JADE1: variants seen among roughly 807,000 people sequenced by gnomAD.
JADE1 encodes jade family PHD finger 1, also known as protein Jade-1.
In JADE1, 14 loss-of-function variants were observed where a neutral mutation model predicts 81.8. The ratio of observed to expected loss-of-function variants is 0.17; its 90% CI spans 0.11 to 0.27. The LOEUF is 0.27. Among genes scored for constraint, JADE1 ranks in the 10% least tolerant of loss-of-function variants. The pLI is 1.00. For synonymous variants in JADE1, 353 were observed against 391.9 expected (o/e 0.90, Z 1.17); for missense variants, 690 against 1,047.9 (o/e 0.66, Z 4.71).
intron 7 of JADE1, among the ~76,000 whole-genome samples, chr4:128,856,775 G>A (rs1301914213): frequency 2.6e-5 from 4 of 152,088 alleles, no homozygotes; most frequent in South Asian, 2.1e-4. Flanking sequence ...TTCATGATTC[G>A]GGTCTTGGTA....
At chr4:128,822,579 C>T (rs928803861) in intron 1 of JADE1, among the ~76,000 whole-genome samples, 17 of 150,764 alleles carry the variant, frequency 1.1e-4, no homozygotes, top group African/African-American at 3.2e-4. Context: ...ATTAGCCGGG[C>T]GTGGTGGCAC....
chr4:128,834,951 G>T (rs1728863252), intron 2 of JADE1, among the ~76,000 whole-genome samples: 1 of 151,580 alleles, frequency 6.6e-6, no homozygotes, highest in East Asian at 1.9e-4. Context: ...TTGGAGACCA[G>T]CCTGGGCAAC....
intron 2 of JADE1, among the ~76,000 whole-genome samples, chr4:128,837,776 C>T (rs149199669): frequency 1.3e-5 from 2 of 152,260 alleles, no homozygotes; most frequent in African/African-American, 4.8e-5. Flanking sequence ...GTTTAACACC[C>T]CTAAAGACAG....
chr4:128,849,182 A>G lies in JADE1; in HGVS notation c.484+15A>G. 6.3e-7 allele frequency: 1 copy of G among 1,584,086 alleles called. No individual in the cohort carries two copies. Among genetic ancestry groups the G allele is most frequent in the South Asian group, 1.1e-5 (1 of 88,352 alleles). ...TAAGGAGATGGGTGAGAGACCATGT[A>G]TTCTATTATTTTATTAACCAATGAT... On this transcript the variant is annotated intron_variant, in intron 5 of 10. Transcript: ENST00000226319.
chr4:128,869,867 A>G (rs1478709116), intron 10 of JADE1, among the ~76,000 whole-genome samples: 3 of 152,096 alleles, frequency 2.0e-5, no homozygotes, highest in African/African-American at 7.2e-5. Flanking sequence ...TTCCAGTCCT[A>G]GGCTTCAGTC....
intron 1 of JADE1, among the ~76,000 whole-genome samples, chr4:128,826,284 G>C (rs2125815302): frequency 6.6e-6 from 1 of 152,278 alleles, no homozygotes; most frequent in South Asian, 2.1e-4. Context: ...GTCTGAGTTG[G>C]ATTCAATCTC....
intron 1 of JADE1, among the ~76,000 whole-genome samples, chr4:128,813,660 A>G (rs1413831097): frequency 6.6e-6 from 1 of 151,738 alleles, no homozygotes; most frequent in East Asian, 1.9e-4. Context: ...TGACCTCGTG[A>G]TCCGCCCGCC....
intron 1 of JADE1, among the ~76,000 whole-genome samples, chr4:128,812,226 C>T (rs555718710): frequency 6.6e-6 from 1 of 152,074 alleles, no homozygotes; most frequent in Non-Finnish European, 1.5e-5. Flanking sequence ...CATCACTGCA[C>T]CGGGGCTAAT....
chr4:128,832,174 C>G (rs1474447998), intron 2 of JADE1, among the ~76,000 whole-genome samples: 2 of 152,182 alleles, frequency 1.3e-5, no homozygotes, highest in Admixed American at 6.5e-5. Flanking sequence ...TGGTTCAACT[C>G]AATACAAGGG....
intron 2 of JADE1, among the ~76,000 whole-genome samples, chr4:128,837,728 A>G (rs138285199): frequency 1.5e-3 from 227 of 152,280 alleles, no homozygotes; most frequent in Middle Eastern, 6.8e-3. Context: ...GCTGGACTCG[A>G]TACTTGCCAG....
At position 128,874,958 on chromosome 4, in the gene JADE1, G is replaced by A. The variant is rs1467172098; in HGVS notation, c.*2696G>A. On this transcript the variant is annotated 3_prime_UTR_variant, in exon 11 of 11. Coordinates refer to ENST00000226319, the MANE Select transcript of JADE1 (RefSeq NM_199320.4). ...CATTACATTTGTAACCTTGTACAGAGGATTTTTCACTATGTGCCTAGCTTG... is the reference window on the plus strand; with the variant it reads ...CATTACATTTGTAACCTTGTACAGAAGATTTTTCACTATGTGCCTAGCTTG... The A allele has an allele frequency of 2.0e-5, 3 of 151,502 alleles. No homozygotes were observed. Among genetic ancestry groups the A allele is most frequent in the Admixed American group, 2.0e-4 (3 of 15,158 alleles). 9.4% of individuals were successfully genotyped at this position (151,502 alleles called of 1,614,324 possible).
intron 8 of JADE1, among the ~76,000 whole-genome samples, chr4:128,859,798 G>T (rs1180108199): frequency 1.3e-5 from 2 of 152,082 alleles, no homozygotes; most frequent in Non-Finnish European, 2.9e-5. Context: ...CTTTTTTGTT[G>T]CCATTGACCT....
At chr4:128,862,913 T>TGTGTGCGC (rs1389608869) in intron 9 of JADE1, 2 of 983,334 alleles carry the variant, frequency 2.0e-6, no homozygotes, top group East Asian at 1.1e-4. Flanking sequence ...TGTGTGTGTG[T>TGTGTGCGC]GCGCGTGCCC....
At chr4:128,830,801 A>G (rs1438939171) in intron 1 of JADE1, among the ~76,000 whole-genome samples, 3 of 152,190 alleles carry the variant, frequency 2.0e-5, no homozygotes, top group Admixed American at 1.3e-4. Context: ...CCGCGAGACC[A>G]TCTGTATAAG....
chr4:128,839,046 C>T (rs1729212629), intron 2 of JADE1, among the ~76,000 whole-genome samples: 1 of 152,092 alleles, frequency 6.6e-6, no homozygotes, highest in African/African-American at 2.4e-5. Flanking sequence ...TGGGTTACAG[C>T]AATGGTTACA....
Position 128,871,779 on chromosome 4 carries a change from CA to C in JADE1, c.2048del (p.Lys683SerfsTer35). ...LKDKSFKQSH[K>X]PLRSTDVSQR... ...AGGACAAATCTTTTAAACAGAGTCA[CA>C]AGCCTCTCAGGTCCACAGATGTGTC... is the stretch of plus-strand genomic sequence containing the variant. On this transcript the variant is annotated frameshift_variant, in exon 11 of 11. Coordinates refer to ENST00000226319, the MANE Select transcript of JADE1 (RefSeq NM_199320.4). LOFTEE classifies it high-confidence loss of function. The surrounding 1 kb of genome is among the most constrained non-coding windows in gnomAD (Gnocchi z 4.1). 6.2e-7 allele frequency: 1 copy of C among 1,614,154 alleles called. No individual in the cohort carries two copies. The highest frequency in any genetic ancestry group is 8.5e-7 in the Non-Finnish European group (1 of 1,180,028).
intron 9 of JADE1, chr4:128,864,077 GT>G (rs761875340): frequency 4.1e-6 from 4 of 985,080 alleles, no homozygotes; most frequent in Non-Finnish European, 4.8e-6. Context: ...GGATTTGTGT[GT>G]GTATGTGTGT....
chr4:128,827,973 A>G, intron 1 of JADE1: 8 of 795,008 alleles, frequency 1.0e-5, no homozygotes, highest in Non-Finnish European at 1.2e-5. Context: ...GTTCTTCAGG[A>G]CTCAGCTCAG....
intron 9 of JADE1, among the ~76,000 whole-genome samples, chr4:128,865,632 A>G (rs1411294501): frequency 6.6e-6 from 1 of 152,152 alleles, no homozygotes; most frequent in Non-Finnish European, 1.5e-5. Flanking sequence ...TAGAGTCCTC[A>G]CTACTATAAA....
Sources: allele counts gnomAD v4.1 joint callset (sites outside exome capture counted in the v4.1 genomes callset), GRCh38; gene constraint gnomAD v4.1.1; non-coding constraint Gnocchi (gnomAD v3.1); transcripts MANE v1.5; gene names NCBI Gene and HGNC (gene_info 2026-07-23, HGNC 2026-07-21).